The following REDIC1 variants were observed in gnomAD, a reference collection of about 807,000 sequenced individuals.
REDIC1 encodes the protein regulator of DNA class I crossover intermediates 1, also known as HEI10 Interacting Protein 1.
chr12:39,780,762 T>C, the REDIC1 span, among the ~76,000 whole-genome samples: 27 of 152,314 alleles, frequency 1.8e-4, no homozygotes, highest in South Asian at 5.6e-3. Context: ...TAGGCAGTCT[T>C]TTAATAATAC....
the REDIC1 span, among the ~76,000 whole-genome samples, chr12:39,722,557 G>A: frequency 6.6e-6 from 1 of 152,100 alleles, no homozygotes; most frequent in Non-Finnish European, 1.5e-5. Context: ...GAATAAACTT[G>A]AGCTGTGAAT....
At chr12:39,713,012 CAT>C in the REDIC1 span, among the ~76,000 whole-genome samples, 6 of 133,678 alleles carry the variant, frequency 4.5e-5, no homozygotes, top group African/African-American at 1.5e-4. Flanking sequence ...TGTATATATA[CAT>C]GTGTATATAC....
the REDIC1 span, among the ~76,000 whole-genome samples, chr12:39,834,854 A>G: frequency 6.6e-6 from 1 of 152,066 alleles, no homozygotes; most frequent in Non-Finnish European, 1.5e-5. Context: ...GACATTTAGA[A>G]GGTGGCACAA....
At chr12:39,712,093 CATATATACCTGT>C in the REDIC1 span, among the ~76,000 whole-genome samples, 767 of 95,042 alleles carry the variant, frequency 8.1e-3, 45 homozygotes, top group South Asian at 0.015. Flanking sequence ...TATATACATA[CATATATACCTGT>C]ATATATACCT....
chr12:39,834,816 A>C, the REDIC1 span, among the ~76,000 whole-genome samples: 1 of 152,064 alleles, frequency 6.6e-6, no homozygotes, highest in Non-Finnish European at 1.5e-5. Context: ...AATTCTTCCA[A>C]ATATTACAAG....
At chr12:39,683,548 G>T in the REDIC1 span, 1 of 1,293,086 alleles carries the variant, frequency 7.7e-7, no homozygotes, top group Non-Finnish European at 1.1e-6. Context: ...GATGAATGTT[G>T]AATTGATGCA....
At chr12:39,804,360 T>G in the REDIC1 span, among the ~76,000 whole-genome samples, 1 of 152,184 alleles carries the variant, frequency 6.6e-6, no homozygotes, top group Non-Finnish European at 1.5e-5. Flanking sequence ...ATAATATACT[T>G]CGAGCTATGT....
chr12:39,792,928 T>G, the REDIC1 span, among the ~76,000 whole-genome samples: 1 of 152,198 alleles, frequency 6.6e-6, no homozygotes, highest in South Asian at 2.1e-4. Context: ...GGTATCTTTT[T>G]GTGAACCAAA....
the REDIC1 span, among the ~76,000 whole-genome samples, chr12:39,761,040 G>T: frequency 6.9e-6 from 1 of 145,468 alleles, no homozygotes; most frequent in Non-Finnish European, 1.5e-5. Flanking sequence ...AAACAACAAA[G>T]TAAAATGGAG....
chr12:39,640,920 G>C, the REDIC1 span: 2 of 1,561,112 alleles, frequency 1.3e-6, no homozygotes, highest in Non-Finnish European at 1.8e-6. Flanking sequence ...CCATTTCTTT[G>C]ATCACTATAT....
At chr12:39,734,459 G>A in the REDIC1 span, among the ~76,000 whole-genome samples, 1 of 152,136 alleles carries the variant, frequency 6.6e-6, no homozygotes, top group Non-Finnish European at 1.5e-5. Context: ...AATATTGATT[G>A]TAGTCACAAA....
chr12:39,868,920 T>G, the REDIC1 span, among the ~76,000 whole-genome samples: 1 of 152,202 alleles, frequency 6.6e-6, no homozygotes, highest in Non-Finnish European at 1.5e-5. Flanking sequence ...GTAATCATTT[T>G]AAAAGAATGA....
chr12:39,857,622 A>C, the REDIC1 span, among the ~76,000 whole-genome samples: 1 of 152,320 alleles, frequency 6.6e-6, no homozygotes, highest in South Asian at 2.1e-4. Flanking sequence ...GATCTTTTAA[A>C]AACACAAATC....
the REDIC1 span, among the ~76,000 whole-genome samples, chr12:39,720,426 G>A: frequency 2.4e-4 from 36 of 152,188 alleles, 1 homozygote; most frequent in Non-Finnish European, 4.7e-4. Flanking sequence ...TTTTTAAGTG[G>A]AGGAAGTATG....
the REDIC1 span, among the ~76,000 whole-genome samples, chr12:39,789,602 A>C: frequency 6.6e-6 from 1 of 152,204 alleles, no homozygotes; most frequent in South Asian, 2.1e-4. Context: ...GTATGTGCAC[A>C]CAGTCAATTT....
the REDIC1 span, among the ~76,000 whole-genome samples, chr12:39,713,749 A>T: frequency 6.7e-6 from 1 of 149,486 alleles, no homozygotes; most frequent in African/African-American, 2.4e-5. Context: ...ATGTATATAT[A>T]CATGTATACA....
At chr12:39,901,083 T>C in the REDIC1 span, among the ~76,000 whole-genome samples, 113 of 152,198 alleles carry the variant, frequency 7.4e-4, no homozygotes, top group African/African-American at 2.6e-3. Context: ...AAACAAGCAA[T>C]GGGGAAAGGA....
chr12:39,703,087 A>G, the REDIC1 span, among the ~76,000 whole-genome samples: 1 of 152,214 alleles, frequency 6.6e-6, no homozygotes. Flanking sequence ...TGGCCAGGGC[A>G]ATTAGGCAGG....
the REDIC1 span, among the ~76,000 whole-genome samples, chr12:39,733,149 C>A: frequency 4.0e-5 from 6 of 151,370 alleles, no homozygotes; most frequent in African/African-American, 1.5e-4. Flanking sequence ...AAATTCAAAA[C>A]AAATTAAAGA....
Sources: gnomAD v4.1 joint callset for allele counts (sites outside exome capture counted in the v4.1 genomes callset) on GRCh38, gnomAD v4.1.1 for gene constraint, MANE v1.5 for transcripts, NCBI Gene and HGNC (gene_info 2026-07-23, HGNC 2026-07-21) for gene names.